Variants in ATF2 observed in about 807,000 individuals in gnomAD.
ATF2 encodes cyclic AMP-dependent transcription factor ATF-2.
A neutral mutation model predicts 60.6 loss-of-function variants in ATF2; 24 were observed. The ratio of observed to expected loss-of-function variants is 0.40; its 90% CI spans 0.29 to 0.56. ATF2 has a LOEUF of 0.56. Among genes scored for constraint, ATF2 ranks in the 20% least tolerant of loss-of-function variants. ATF2 has a pLI of 0.54. For missense variants in ATF2, 433 were observed against 607.7 expected (o/e 0.71, Z 3.02); for synonymous variants, 206 against 215.4 (o/e 0.96, Z 0.38).
intron 9 of ATF2, 89 bp from the exon 10 acceptor site, chr2:175,111,743 T>C: frequency 8.8e-7 from 1 of 1,134,754 alleles, no homozygotes; most frequent in Non-Finnish European, 1.3e-6. Context: ...TTTGAGACTT[T>C]AAGAATCAGA....
chr2:175,083,375 T>C (rs947904932), intron 12 of ATF2, among the ~76,000 whole-genome samples: 2 of 152,108 alleles, frequency 1.3e-5, no homozygotes, highest in African/African-American at 4.8e-5. Flanking sequence ...TTGACAAACC[T>C]GAGAAAAACA....
At chr2:175,105,479 C>T (rs1695590961) in intron 10 of ATF2, among the ~76,000 whole-genome samples, 1 of 152,080 alleles carries the variant, frequency 6.6e-6, no homozygotes, top group Non-Finnish European at 1.5e-5. Context: ...CAAGAAAAAT[C>T]TCAAAATTTA....
At chr2:175,131,601 C>T (rs1697733504) in intron 3 of ATF2, among the ~76,000 whole-genome samples, 3 of 152,130 alleles carry the variant, frequency 2.0e-5, no homozygotes, top group Admixed American at 6.5e-5. Flanking sequence ...ATGATATCTG[C>T]GATTTATCTA....
At chr2:175,101,137 T>C (rs1695283246) in intron 10 of ATF2, among the ~76,000 whole-genome samples, 1 of 152,170 alleles carries the variant, frequency 6.6e-6, no homozygotes, top group Admixed American at 6.5e-5. Flanking sequence ...GAAACAACTA[T>C]ATTAGTAGCT....
At chr2:175,105,511 T>G (rs996393651) in intron 10 of ATF2, among the ~76,000 whole-genome samples, 2 of 152,194 alleles carry the variant, frequency 1.3e-5, no homozygotes, top group Non-Finnish European at 2.9e-5. Context: ...ATTGAATTTC[T>G]TAGAACCCAA....
At chr2:175,121,960 T>C (rs1696984745) in intron 4 of ATF2, among the ~76,000 whole-genome samples, 1 of 151,926 alleles carries the variant, frequency 6.6e-6, no homozygotes, top group Non-Finnish European at 1.5e-5. Context: ...TACTTACCAC[T>C]TTTTAAAAGA....
In ATF2 at chr2:175,083,385, A is replaced by G. The variant is rs375977241; in HGVS notation, c.1186-2620T>C. ...GATCGTTGACAAACCTGAGAAAAAC[A>G]AGCAATGGGGAAAGGATTCCCTATT... On this transcript the variant is annotated intron_variant, in intron 12 of 13. Coordinates refer to ENST00000264110, the MANE Select transcript of ATF2 (RefSeq NM_001880.4). Among the ~76,000 whole-genome samples, 24 of 152,306 alleles carry G rather than the reference A, an allele frequency of 1.6e-4. No homozygotes were observed. In the East Asian group the frequency reaches 3.7e-3, roughly 23 times the overall value.
chr2:175,088,846 A>G (rs1005520790), intron 12 of ATF2, among the ~76,000 whole-genome samples: 1 of 152,160 alleles, frequency 6.6e-6, no homozygotes, highest in Non-Finnish European at 1.5e-5. Context: ...AACCATTTCA[A>G]GTAAAAGATA....
At chr2:175,121,038 T>C (rs562722149) in intron 5 of ATF2, among the ~76,000 whole-genome samples, 1 of 151,988 alleles carries the variant, frequency 6.6e-6, no homozygotes, top group East Asian at 1.9e-4. Context: ...TGAACAAGTC[T>C]GCTCACTGTT....
At chr2:175,075,000 C>G in intron 13 of ATF2, 165 bp from the exon 14 acceptor site, 2 of 1,498,320 alleles carry the variant, frequency 1.3e-6, no homozygotes, top group Non-Finnish European at 1.8e-6. Flanking sequence ...GCAATTTTAC[C>G]TGCAATAGGT....
At chr2:175,148,872 C>T (rs1265585267) in intron 2 of ATF2, among the ~76,000 whole-genome samples, 2 of 152,090 alleles carry the variant, frequency 1.3e-5, no homozygotes, top group East Asian at 3.9e-4. Context: ...TCCAGTTGTC[C>T]TACCTTTCTG....
chr2:175,126,842 G>A (rs191159564), intron 4 of ATF2: 4 of 152,292 alleles, frequency 2.6e-5, no homozygotes, highest in East Asian at 3.9e-4. Context: ...GTACTTCAGG[G>A]ATTACAGAAT....
chr2:175,164,794 T>C (rs879665185), intron 1 of ATF2, among the ~76,000 whole-genome samples: 1 of 152,170 alleles, frequency 6.6e-6, no homozygotes, highest in Non-Finnish European at 1.5e-5. Flanking sequence ...CAGGTGTGAG[T>C]ATGAGATAAA....
chr2:175,099,920 A>G (rs573165653), intron 10 of ATF2, among the ~76,000 whole-genome samples: 6 of 152,370 alleles, frequency 3.9e-5, no homozygotes, highest in African/African-American at 1.2e-4. Flanking sequence ...TGGCTTAATG[A>G]TTCAAAAAAC....
intron 4 of ATF2, among the ~76,000 whole-genome samples, chr2:175,125,986 T>C (rs948625908): frequency 2.0e-5 from 3 of 152,116 alleles, no homozygotes; most frequent in African/African-American, 7.2e-5. Flanking sequence ...GCTATGTATC[T>C]CACTTTCCCT....
At chr2:175,075,064 G>A (rs1330655723) in intron 13 of ATF2, 11 of 1,376,690 alleles carry the variant, frequency 8.0e-6, no homozygotes, top group Non-Finnish European at 1.0e-5. Flanking sequence ...ACTGCCTTAT[G>A]GAATAGAGCT....
intron 11 of ATF2, among the ~76,000 whole-genome samples, chr2:175,095,399 T>C (rs932518877): frequency 1.3e-5 from 2 of 152,214 alleles, no homozygotes; most frequent in African/African-American, 2.4e-5. Context: ...ATTTTTCTTA[T>C]TGAGAATGGC....
chr2:175,133,863 T>C (rs1277863385), intron 3 of ATF2, among the ~76,000 whole-genome samples: 3 of 152,160 alleles, frequency 2.0e-5, no homozygotes, highest in Non-Finnish European at 4.4e-5. Context: ...GTGCATTTTA[T>C]TCTGTTTAAA....
At chr2:175,099,146 C>T (rs1454004074) in intron 10 of ATF2, among the ~76,000 whole-genome samples, 1 of 150,238 alleles carries the variant, frequency 6.7e-6, no homozygotes, top group African/African-American at 2.5e-5. Flanking sequence ...GCCTGTCGCC[C>T]AGGCTGGAGG....
Sources: gnomAD v4.1 joint callset for allele counts (sites outside exome capture counted in the v4.1 genomes callset) on GRCh38, gnomAD v4.1.1 for gene constraint, MANE v1.5 for transcripts, NCBI Gene and HGNC (gene_info 2026-07-23, HGNC 2026-07-21) for gene names.